TRPC5: variants seen among roughly 807,000 people sequenced by gnomAD.
The protein encoded by TRPC5 is transient receptor potential cation channel subfamily C member 5, also known as short transient receptor potential channel 5.
In TRPC5, 9 loss-of-function variants were observed where a neutral mutation model predicts 56.5. The observed-to-expected ratio is 0.16, with a 90% CI of 0.10 to 0.28. TRPC5 has a LOEUF of 0.28. Among genes scored for constraint, TRPC5 ranks in the 10% least tolerant of loss-of-function variants. The pLI, the probability that TRPC5 is intolerant of heterozygous loss-of-function variation, is 1.00. For synonymous variants in TRPC5, 282 were observed against 278.5 expected, an observed-to-expected ratio of 1.01 and a Z score of -0.13; for missense variants, 469 against 748.9, an observed-to-expected ratio of 0.63 and a Z score of 4.36.
intron 2 of TRPC5, among the ~76,000 whole-genome samples, chrX:111,924,510 T>C (rs1378963791): frequency 2.7e-5 from 3 of 110,827 alleles, no homozygotes; most frequent in Admixed American, 9.6e-5. Context: ...ATCAGAAATC[T>C]AGAAGCAAAA....
chrX:111,888,982 G>T (rs1177463933), intron 3 of TRPC5, among the ~76,000 whole-genome samples: 1 of 111,999 alleles, frequency 8.9e-6, no homozygotes, highest in African/African-American at 3.2e-5. Flanking sequence ...AGGTTTTGGA[G>T]AGAGTACCAA....
chrX:111,981,579 C>G (rs1270881803), intron 1 of TRPC5, among the ~76,000 whole-genome samples: 1 of 111,564 alleles, frequency 9.0e-6, no homozygotes, highest in African/African-American at 3.3e-5. Context: ...AAACACATCT[C>G]ATTAAACCAC....
intron 6 of TRPC5, among the ~76,000 whole-genome samples, chrX:111,845,112 C>T (rs750737921): frequency 9.1e-6 from 1 of 110,257 alleles, no homozygotes; most frequent in Admixed American, 9.7e-5. Flanking sequence ...GTGGTGGGCA[C>T]CTATAATCCC....
chrX:111,915,582 C>A (rs939263692), intron 2 of TRPC5, among the ~76,000 whole-genome samples: 2 of 112,059 alleles, frequency 1.8e-5, no homozygotes, highest in South Asian at 3.8e-4. Flanking sequence ...CGCTCAAATA[C>A]TGTGGGCACA....
intron 7 of TRPC5, among the ~76,000 whole-genome samples, chrX:111,824,716 C>G (rs529038412): frequency 9.0e-6 from 1 of 111,442 alleles, no homozygotes; most frequent in African/African-American, 3.3e-5. Flanking sequence ...TAAAGGTAGG[C>G]TCTGCACTTT....
chrX:111,944,303 T>TGTGTGTGTGTGTGAAAGAGAGA (rs1173179815), intron 2 of TRPC5, among the ~76,000 whole-genome samples: 20 of 61,371 alleles, frequency 3.3e-4, no homozygotes, highest in African/African-American at 2.0e-3. Context: ...TGTGTGTGTG[T>TGTGTGTGTGTGTGAAAGAGAGA]GAGAGAGAGA....
intron 2 of TRPC5, among the ~76,000 whole-genome samples, chrX:111,932,085 A>G (rs1262543963): frequency 9.0e-6 from 1 of 111,692 alleles, no homozygotes; most frequent in Non-Finnish European, 1.9e-5. Context: ...GGGCAGCACC[A>G]ATATTTAAAG....
intron 1 of TRPC5, among the ~76,000 whole-genome samples, chrX:111,974,207 G>C (rs1173775357): frequency 1.8e-5 from 2 of 111,889 alleles, no homozygotes; most frequent in Admixed American, 9.5e-5. Context: ...CAAGGTAGAA[G>C]GGTTCTATAA....
In TRPC5 at chrX:112,082,099, T is replaced by TC. The variant is rs1930984590; in HGVS notation, c.-243dup. On this transcript the variant is annotated 5_prime_UTR_variant, in exon 1 of 11. Transcript: ENST00000262839. ...GCAAGTACTGGCTCCTACCTTGGCT[T>TC]CCCCTTTGGATGCTCAGTTATTGCC... The TC allele has an allele frequency of 9.0e-6, 1 of 111,254 alleles. No homozygotes were observed. The highest frequency in any genetic ancestry group is 1.9e-5 in the Non-Finnish European group (1 of 53,085). The allele number at this position is 111,254 out of a possible 1,213,427, so 9.2% of individuals were successfully genotyped here.
intron 3 of TRPC5, among the ~76,000 whole-genome samples, chrX:111,893,590 G>A (rs1038138740): frequency 1.8e-5 from 2 of 112,292 alleles, no homozygotes; most frequent in African/African-American, 6.5e-5. Context: ...TTTGGAGGAG[G>A]AAAGAAATTC....
At chrX:111,799,872 C>T (rs185436439) in intron 7 of TRPC5, among the ~76,000 whole-genome samples, 130 of 111,809 alleles carry the variant, frequency 1.2e-3, no homozygotes, top group African/African-American at 3.1e-3. Flanking sequence ...GATCACTTGA[C>T]GGAGATGAGT....
At chrX:111,966,345 C>T (rs1569528790) in intron 1 of TRPC5, among the ~76,000 whole-genome samples, 1 of 111,475 alleles carries the variant, frequency 9.0e-6, no homozygotes, top group Non-Finnish European at 1.9e-5. Context: ...CAATAGCTTA[C>T]CAACCAAAAA....
chrX:111,878,828 T>C (rs942176373), intron 3 of TRPC5, among the ~76,000 whole-genome samples: 1 of 111,790 alleles, frequency 8.9e-6, no homozygotes, highest in African/African-American at 3.3e-5. Flanking sequence ...TGAGAAACAC[T>C]ATTACCCAGT....
At chrX:111,818,883 C>T (rs979405823) in intron 7 of TRPC5, among the ~76,000 whole-genome samples, 5 of 111,544 alleles carry the variant, frequency 4.5e-5, no homozygotes, top group African/African-American at 1.3e-4. Context: ...GGATTACAGG[C>T]GTGAGCCACC....
chrX:111,948,474 G>A (rs193187672), intron 2 of TRPC5, among the ~76,000 whole-genome samples: 110 of 111,887 alleles, frequency 9.8e-4, no homozygotes, highest in African/African-American at 3.4e-3. Flanking sequence ...GCTCATGCCT[G>A]TAATCCTAGC....
chrX:111,956,188 G>A (rs1222390928), intron 1 of TRPC5, among the ~76,000 whole-genome samples: 1 of 112,746 alleles, frequency 8.9e-6, no homozygotes, highest in Admixed American at 9.4e-5. Context: ...GACTTCATCT[G>A]TGAGGAGGAA....
At chrX:111,969,980 G>A (rs944662681) in intron 1 of TRPC5, among the ~76,000 whole-genome samples, 3 of 111,337 alleles carry the variant, frequency 2.7e-5, no homozygotes, top group Non-Finnish European at 5.7e-5. Flanking sequence ...ATCTAGAATG[G>A]TGGCAGTCTG....
chrX:112,026,906 TG>T (rs1280702686), intron 1 of TRPC5, among the ~76,000 whole-genome samples: 2 of 88,733 alleles, frequency 2.3e-5, no homozygotes, highest in Admixed American at 1.3e-4. Context: ...AGTGAGACCA[TG>T]AAAAAAAAAA....
At chrX:111,983,576 G>T (rs1384412382) in intron 1 of TRPC5, among the ~76,000 whole-genome samples, 1 of 111,311 alleles carries the variant, frequency 9.0e-6, no homozygotes, top group Non-Finnish European at 1.9e-5. Flanking sequence ...TCAAGTCCCT[G>T]ACCATCCAGC....
Sources: allele counts gnomAD v4.1 joint callset (sites outside exome capture counted in the v4.1 genomes callset), GRCh38; gene constraint gnomAD v4.1.1; transcripts MANE v1.5; gene names NCBI Gene and HGNC (gene_info 2026-07-23, HGNC 2026-07-21).